GPR107: variants seen among roughly 807,000 people sequenced by gnomAD.
GPR107 encodes protein GPR107.
A neutral mutation model predicts 75.5 loss-of-function variants in GPR107; 31 were observed. The ratio of observed to expected loss-of-function variants is 0.41; its 90% CI spans 0.31 to 0.55. The LOEUF (loss-of-function observed/expected upper bound fraction) is 0.55. Ranked by LOEUF, GPR107 falls within the 20% of genes least tolerant of loss-of-function variation. The probability of loss-of-function intolerance (pLI) is 0.26; values close to 1 mark genes in which losing one functional copy is unlikely to be tolerated. For missense variants in GPR107, 572 were observed against 665.7 expected (o/e 0.86, Z 1.55); for synonymous variants, 267 against 251.3 (o/e 1.06, Z -0.59).
chr9:130,075,890 C>T (rs1401461909), intron 2 of GPR107, 141 bp downstream of exon 2: 14 of 534,106 alleles, frequency 2.6e-5, no homozygotes, highest in South Asian at 1.8e-4. Context: ...TCAAGCAGTT[C>T]TCTGCCTCAG....
chr9:130,088,486 A>G (rs184302187), intron 7 of GPR107, among the ~76,000 whole-genome samples: 1 of 152,168 alleles, frequency 6.6e-6, no homozygotes, highest in Non-Finnish European at 1.5e-5. Context: ...CTCCCCCTCT[A>G]CAGAAGATAC....
intron 14 of GPR107, chr9:130,108,795 G>T (rs1360088840): frequency 2.2e-6 from 1 of 455,396 alleles, no homozygotes; most frequent in South Asian, 1.5e-5. Context: ...TTTTCCCTCT[G>T]GAGTGTCCTC....
At chr9:130,091,526 C>A in intron 8 of GPR107, among the ~76,000 whole-genome samples, 1 of 123,190 alleles carries the variant, frequency 8.1e-6, no homozygotes, top group Admixed American at 8.6e-5. Context: ...CTGGTACTCA[C>A]TTTTTTTTTT....
intron 11 of GPR107, 38 bp from the exon 12 acceptor site, chr9:130,101,068 G>C (rs199524632): frequency 8.8e-7 from 1 of 1,140,190 alleles, no homozygotes; most frequent in African/African-American, 1.5e-5. Context: ...AGAGTCTAAA[G>C]AGACCTGCTG....
intron 9 of GPR107, among the ~76,000 whole-genome samples, chr9:130,093,142 T>G (rs1296151870): frequency 6.6e-6 from 1 of 152,160 alleles, no homozygotes; most frequent in Non-Finnish European, 1.5e-5. Flanking sequence ...ATAGATTCTC[T>G]GCATTGACTT....
At chr9:130,134,473 A>G (rs1469388687) in intron 17 of GPR107, among the ~76,000 whole-genome samples, 2 of 152,240 alleles carry the variant, frequency 1.3e-5, no homozygotes, top group Non-Finnish European at 2.9e-5. Flanking sequence ...GCACAGCCAC[A>G]TGGCCCAGCC....
chr9:130,073,795 A>C (rs1233419472), intron 1 of GPR107, among the ~76,000 whole-genome samples: 1 of 152,136 alleles, frequency 6.6e-6, no homozygotes, highest in Admixed American at 6.6e-5. Context: ...TCACTGTGTC[A>C]CCCAGGCTGG....
chr9:130,064,020 G>A (rs1173940447), intron 1 of GPR107, among the ~76,000 whole-genome samples: 1 of 151,262 alleles, frequency 6.6e-6, no homozygotes, highest in Non-Finnish European at 1.5e-5. Context: ...GGCCAGACGG[G>A]TCTCGAACTC....
chr9:130,128,633 C>T lies in GPR107; in HGVS notation c.1441-7C>T, dbSNP rs1457897068. On this transcript the variant is annotated splice_polypyrimidine_tract_variant and splice_region_variant and intron_variant, in intron 16 of 17. Transcript: ENST00000347136. ...TCTTTATTTTGGGGTGGTTTTTAAA[C>T]TTGCAGCTCCTGGATGAAACGGCCA... 6.2e-7 allele frequency: 1 copy of T among 1,609,956 alleles called. No homozygotes were observed. Among genetic ancestry groups the T allele is most frequent in the African/African-American group, 1.3e-5 (1 of 74,760 alleles).
intron 14 of GPR107, chr9:130,110,246 C>A: frequency 1.5e-6 from 1 of 662,866 alleles, no homozygotes; most frequent in Non-Finnish European, 2.8e-6. Context: ...GATGGCACAG[C>A]AGGTGAGGCA....
intron 14 of GPR107, among the ~76,000 whole-genome samples, chr9:130,109,788 C>A (rs1325249526): frequency 6.6e-6 from 1 of 151,240 alleles, no homozygotes; most frequent in Non-Finnish European, 1.5e-5. Flanking sequence ...CCAGGCTGGT[C>A]GCAAACTCCT....
rs1448017722 is a variant in GPR107, at chr9:130,135,351, G to C, written c.*230G>C. On this transcript the variant is annotated 3_prime_UTR_variant, in exon 18 of 18. Transcript: ENST00000347136. ...ATCCTCTTTCAGGCGGGAATGGGAG[G>C]GCGGGCACAGGGAGGAGGAGAGGAA... is the stretch of plus-strand genomic sequence containing the variant. The C allele has an allele frequency of 1.3e-5, 6 of 463,314 alleles. No homozygotes were observed. Among genetic ancestry groups the C allele is most frequent in the African/African-American group, 1.2e-4 (6 of 49,326 alleles). 28.7% of individuals were successfully genotyped at this position (463,314 alleles called of 1,614,324 possible).
At chr9:130,057,125 T>C (rs1337553641) in intron 1 of GPR107, among the ~76,000 whole-genome samples, 1 of 151,876 alleles carries the variant, frequency 6.6e-6, no homozygotes, top group Non-Finnish European at 1.5e-5. Context: ...AATAGGGTAC[T>C]TGATCAGATT....
chr9:130,077,180 C>G, intron 3 of GPR107, 119 bp from the exon 4 acceptor site: 2 of 674,284 alleles, frequency 3.0e-6, no homozygotes, highest in Non-Finnish European at 5.4e-6. Context: ...GCCACCACGC[C>G]CACCGGTTTA....
intron 17 of GPR107, 121 bp downstream of exon 17, chr9:130,128,882 T>G: frequency 1.1e-6 from 1 of 895,578 alleles, no homozygotes; most frequent in Non-Finnish European, 1.7e-6. Context: ...TTCCTCTATT[T>G]TTAGCAGAAG....
chr9:130,084,884 C>T (rs992560001), intron 6 of GPR107, among the ~76,000 whole-genome samples: 1 of 152,052 alleles, frequency 6.6e-6, no homozygotes. Flanking sequence ...GAAAAGCCCT[C>T]TGGAAGGAGC....
chr9:130,075,780 T>TAC, intron 2 of GPR107, 31 bp downstream of exon 2: 3 of 1,037,322 alleles, frequency 2.9e-6, no homozygotes, highest in Non-Finnish European at 4.4e-6. Flanking sequence ...TCCAGGGGTT[T>TAC]ACTCTTTTTT....
chr9:130,092,090 T>C (rs1186203883), intron 8 of GPR107, among the ~76,000 whole-genome samples, 158 bp from the exon 9 acceptor site: 1 of 152,178 alleles, frequency 6.6e-6, no homozygotes, highest in African/African-American at 2.4e-5. Flanking sequence ...TCCACCCGCC[T>C]CAGCCTCCCA....
At chr9:130,082,364 T>G (rs989970290) in intron 5 of GPR107, among the ~76,000 whole-genome samples, 1 of 152,200 alleles carries the variant, frequency 6.6e-6, no homozygotes, top group African/African-American at 2.4e-5. Context: ...CTTGTCTGGC[T>G]TCTTTGTGCT....
Sources: allele counts gnomAD v4.1 joint callset (sites outside exome capture counted in the v4.1 genomes callset), GRCh38; gene constraint gnomAD v4.1.1; transcripts MANE v1.5; gene names NCBI Gene and HGNC (gene_info 2026-07-23, HGNC 2026-07-21).